XPO4: variants seen among roughly 807,000 people sequenced by gnomAD.
XPO4 encodes the protein exportin-4.
Under a neutral mutation model 143.0 loss-of-function variants are expected in XPO4, and 39 were observed. The ratio of observed to expected loss-of-function variants is 0.27; its 90% CI spans 0.21 to 0.36. The LOEUF (loss-of-function observed/expected upper bound fraction) is 0.36, where lower values mean the gene tolerates loss of function less well. Among genes scored for constraint, XPO4 ranks in the 10% least tolerant of loss-of-function variants. The pLI is 1.00. For missense variants in XPO4, 907 were observed against 1,348.0 expected (o/e 0.67, Z 5.12); for synonymous variants, 439 against 474.0 (o/e 0.93, Z 0.96).
chr13:20,902,545 T>A (rs1424987050), intron 1 of XPO4, 125 bp downstream of exon 1: 2 of 1,321,388 alleles, frequency 1.5e-6, no homozygotes, highest in Non-Finnish European at 9.7e-7. Context: ...CGCCACCTCC[T>A]CCTCCACTTC....
chr13:20,796,156 T>A lies in XPO4; in HGVS notation c.2717A>T (p.Glu906Val). ...AATGAGAAGCAGGTCTTGGTATTGC[T>A]CTTCTTCTGCTGTAACATCTATTCT... ...RQRIDVTAEE[E>V]QYQDLLLIME... The change falls in exon 18 of 23, where the codon GAG (glutamate) becomes GTG (valine). Residue 906 changes from glutamate to valine, a missense_variant. Transcript: ENST00000255305. 6.2e-7 allele frequency: 1 copy of A among 1,613,900 alleles called. No homozygotes were observed. The highest frequency in any genetic ancestry group is 8.5e-7 in the Non-Finnish European group (1 of 1,179,926).
chr13:20,854,076 A>G (rs1258660248), intron 4 of XPO4, among the ~76,000 whole-genome samples: 1 of 152,258 alleles, frequency 6.6e-6, no homozygotes. Flanking sequence ...AGACAGACAT[A>G]GTAATGCATG....
intron 9 of XPO4, among the ~76,000 whole-genome samples, chr13:20,817,363 A>G (rs1314893841): frequency 6.6e-6 from 1 of 152,246 alleles, no homozygotes; most frequent in Non-Finnish European, 1.5e-5. Context: ...CACTTGACAA[A>G]TTGCAAATTT....
rs142425374 is a variant in XPO4 at position 20,838,545 on chromosome 13, G to T, written c.727+4350C>A. The stretch of plus-strand genomic sequence containing the variant: ...GAATGGCGTGAACCTGGGAGGTGGA[G>T]ATTGTAGTGAGCCGAGATCATGCCA... On this transcript the variant is annotated intron_variant, in intron 6 of 22. Transcript: ENST00000255305. Among the ~76,000 whole-genome samples the T allele has an allele frequency of 3.7e-3, 534 of 145,950 alleles. 9 individuals carry two copies. The highest frequency in any genetic ancestry group is 0.036 in the East Asian group (169 of 4,750).
chr13:20,902,187 A>T, intron 1 of XPO4: 2 of 985,320 alleles, frequency 2.0e-6, no homozygotes, highest in Non-Finnish European at 2.4e-6. Context: ...AGGTGGCTGC[A>T]TGTCAGGGAA....
Position 20,855,693 on chromosome 13 carries a change from T to C in XPO4, c.390A>G (p.Lys130=). The change falls in exon 4 of 23, where the codon AAA becomes AAG. Residue 130 remains lysine (K), a synonymous_variant. Coordinates refer to ENST00000255305, the MANE Select transcript of XPO4 (RefSeq NM_022459.5). ...AVIVKRGSLD[K]SIDCKSIFHE... Reference sequence around the variant, plus strand: ...GAAAAATGCTTTTGCAGTCAATTGATTTATCTAATGATCCTCTTTTTACAA... The same window carrying C: ...GAAAAATGCTTTTGCAGTCAATTGACTTATCTAATGATCCTCTTTTTACAA... The C allele has an allele frequency of 7.4e-6, 12 of 1,612,700 alleles. No homozygotes were observed. Among genetic ancestry groups the C allele is most frequent in the Non-Finnish European group, 1.0e-5 (12 of 1,179,708 alleles).
intron 2 of XPO4, among the ~76,000 whole-genome samples, chr13:20,864,065 A>G (rs534124867): frequency 1.3e-5 from 2 of 152,128 alleles, no homozygotes; most frequent in Non-Finnish European, 2.9e-5. Flanking sequence ...CTTTTTTTAA[A>G]GTTTTGATTA....
Position 20,852,943 on chromosome 13 carries a change from C to T in XPO4, c.456+2684G>A, listed in dbSNP as rs980751815. 8 of 985,270 alleles carry T rather than the reference C, an allele frequency of 8.1e-6. No individual in the cohort carries two copies. In the African/African-American group the frequency reaches 1.4e-4, roughly 17 times the overall value. 61.0% of individuals were successfully genotyped at this position (985,270 alleles called of 1,614,324 possible). A position where few individuals can be genotyped will look rare whatever the true frequency, so the allele number is the denominator to read the frequency against. On this transcript the variant is annotated intron_variant, in intron 4 of 22. Coordinates refer to ENST00000255305, the MANE Select transcript of XPO4 (RefSeq NM_022459.5). The stretch of plus-strand genomic sequence containing the variant: ...CAACTGGCTGACTTCATGGAAAATG[C>T]TTTTGCGGTCAATTGATTTATCTAA...
chr13:20,805,907 A>G (rs1348611794), intron 13 of XPO4, among the ~76,000 whole-genome samples: 1 of 151,930 alleles, frequency 6.6e-6, no homozygotes, highest in East Asian at 1.9e-4. Context: ...AATTCTTTGG[A>G]TTAAAAACAT....
At chr13:20,864,618 G>A (rs1021774409) in intron 2 of XPO4, among the ~76,000 whole-genome samples, 1 of 152,192 alleles carries the variant, frequency 6.6e-6, no homozygotes, top group Admixed American at 6.5e-5. Flanking sequence ...TGCCACTGAA[G>A]ATAGAGCGAA....
intron 1 of XPO4, 62 bp downstream of exon 1, chr13:20,902,607 TG>T: frequency 1.3e-6 from 2 of 1,501,464 alleles, no homozygotes; most frequent in Non-Finnish European, 1.8e-6. Flanking sequence ...CAGCAAGGCC[TG>T]GAGTGGCAGG....
intron 7 of XPO4, among the ~76,000 whole-genome samples, chr13:20,825,939 C>T (rs1301244317): frequency 6.6e-6 from 1 of 152,108 alleles, no homozygotes; most frequent in African/African-American, 2.4e-5. Flanking sequence ...CACATAACTA[C>T]TTTATTTTAA....
At chr13:20,863,212 G>C in intron 2 of XPO4, 1 of 663,288 alleles carries the variant, frequency 1.5e-6, no homozygotes, top group Non-Finnish European at 1.9e-6. Flanking sequence ...GTGCAAAACA[G>C]AACTTTGTAT....
At chr13:20,858,620 T>C (rs2060167041) in intron 3 of XPO4, among the ~76,000 whole-genome samples, 1 of 151,984 alleles carries the variant, frequency 6.6e-6, no homozygotes, top group Non-Finnish European at 1.5e-5. Context: ...GCCTGTAATC[T>C]TAGCACTTAG....
chr13:20,788,432 G>C, intron 20 of XPO4, 54 bp downstream of exon 20: 1 of 1,564,268 alleles, frequency 6.4e-7, no homozygotes, highest in Non-Finnish European at 8.6e-7. Flanking sequence ...TTTCTTTAAA[G>C]GAAGATCTTT....
At chr13:20,848,217 T>G (rs889941196) in intron 4 of XPO4, 1 of 975,972 alleles carries the variant, frequency 1.0e-6, no homozygotes, top group Non-Finnish European at 1.2e-6. Flanking sequence ...CAAATAAAAT[T>G]TATTAAAATT....
At position 20,781,435 on chromosome 13, in the gene XPO4, T is replaced by C. The variant is rs1417306433; in HGVS notation, c.*2287A>G. 6.6e-6 allele frequency: 1 copy of C among 152,630 alleles called. No individual in the cohort carries two copies. 9.5% of individuals were successfully genotyped at this position (152,630 alleles called of 1,614,324 possible). On this transcript the variant is annotated 3_prime_UTR_variant, in exon 23 of 23. Coordinates refer to ENST00000255305, the MANE Select transcript of XPO4 (RefSeq NM_022459.5). ...GCTTCTCCCCACCCCAGTGAGCTAA[T>C]ATTCAACATTCTGCTGATCTTATAA...
In XPO4 at chr13:20,814,687, A is replaced by T. The variant is rs114845378; in HGVS notation, c.1174-4720T>A. Among the ~76,000 whole-genome samples the T allele has an allele frequency of 2.4e-3, 362 of 152,370 alleles. 1 individual carries two copies. The highest frequency in any genetic ancestry group is 7.7e-3 in the African/African-American group (322 of 41,598). On this transcript the variant is annotated intron_variant, in intron 9 of 22. Coordinates refer to ENST00000255305, the MANE Select transcript of XPO4 (RefSeq NM_022459.5). ...CAGAGATGACTAAGGAGACCAAGCT[A>T]GACACTATGTGCTCATGCCCTTGGT...
chr13:20,836,326 T>C (rs2059916248), intron 6 of XPO4, among the ~76,000 whole-genome samples: 2 of 135,124 alleles, frequency 1.5e-5, no homozygotes, highest in African/African-American at 5.5e-5. Context: ...ACATCTTACC[T>C]ATCGGTAACA....
Sources: gnomAD v4.1 joint callset for allele counts (sites outside exome capture counted in the v4.1 genomes callset) on GRCh38, gnomAD v4.1.1 for gene constraint, MANE v1.5 for transcripts, NCBI Gene and HGNC (gene_info 2026-07-23, HGNC 2026-07-21) for gene names.